PLBD2: variants seen among roughly 807,000 people sequenced by gnomAD.
The protein encoded by PLBD2 is phospholipase B domain containing 2.
In PLBD2, 51 loss-of-function variants were observed where a neutral mutation model predicts 68.3. The observed-to-expected ratio is 0.75, with a 90% CI of 0.60 to 0.94. The LOEUF (loss-of-function observed/expected upper bound fraction) is 0.94, where lower values mean the gene tolerates loss of function less well. Among genes scored for constraint, PLBD2 ranks in the 40% least tolerant of loss-of-function variants. The probability of loss-of-function intolerance (pLI) is 0.00; values close to 1 mark genes in which losing one functional copy is unlikely to be tolerated. For missense variants in PLBD2, 729 were observed against 792.2 expected, an observed-to-expected ratio of 0.92 and a Z score of 0.96; for synonymous variants, 314 against 339.3, an observed-to-expected ratio of 0.93 and a Z score of 0.82.
chr12:113,358,619 T>C lies in PLBD2; in HGVS notation c.19T>C (p.Cys7Arg), dbSNP rs781381800. 4.1e-6 allele frequency: 6 copies of C among 1,469,254 alleles called. No homozygotes were observed. The highest frequency in any genetic ancestry group is 1.3e-5 in the South Asian group (1 of 76,140). The allele number at this position is 1,469,254 out of a possible 1,614,324, so 91.0% of individuals were successfully genotyped here. The change falls in exon 1 of 12, where the codon TGC (cysteine) becomes CGC (arginine). Residue 7 changes from cysteine (C) to arginine (R), a missense_variant. Cys to Arg is a radical substitution (Grantham distance 180). Transcript: ENST00000280800. ...TGCGGTCATGGTGGGCCAGATGTAC[T>C]GCTACCCCGGCAGCCACCTGGCCCG... MVGQMYCYPGSHLARAL... is the reference protein window; with the variant it reads MVGQMYRYPGSHLARAL...
rs1418201878 is a variant in PLBD2 at position 113,372,537 on chromosome 12, C to T, written c.385-112C>T. The T allele has an allele frequency of 2.6e-6, 3 of 1,156,192 alleles. No individual in the cohort carries two copies. The Admixed American group carries it at 6.1e-5, about 24-fold the overall frequency. The allele number at this position is 1,156,192 out of a possible 1,614,324, so 71.6% of individuals were successfully genotyped here. ...AGGGAGAGGACAGCATGAGCAAGGA[C>T]TCAGGTGGCCACACCAGCAGCCTCC... On this transcript the variant is annotated intron_variant, in intron 2 of 11. Coordinates refer to ENST00000280800, the MANE Select transcript of PLBD2 (RefSeq NM_173542.4). This position sits in a 1 kb window ranked among gnomAD's most constrained non-coding sequence, Gnocchi z 4.2.
rs143348132 is a variant in PLBD2, at chr12:113,372,711, C to T, written c.447C>T (p.Val149=). The T allele has an allele frequency of 3.9e-4, 631 of 1,614,016 alleles. 3 individuals are homozygous for T. In the African/African-American group the frequency reaches 5.2e-3, roughly 13 times the overall value. ...VNYCGPFEYE[V]GYCERLKSFL... ...ACTGCGGCCCCTTCGAGTATGAAGT[C>T]GGCTACTGCGAGAGGCTGAAGAGCT... The change falls in exon 3 of 12, where the codon GTC becomes GTT. Residue 149 remains valine, a synonymous_variant. Transcript: ENST00000280800. The surrounding 1 kb of genome is among the most constrained non-coding windows in gnomAD (Gnocchi z 4.2).
chr12:113,386,320 C>G (rs1418676452), intron 9 of PLBD2, among the ~76,000 whole-genome samples: 1 of 150,366 alleles, frequency 6.7e-6, no homozygotes. Context: ...TCCCAAGTAG[C>G]TGGGATTACA....
At chr12:113,382,945 C>T (rs1957510561) in intron 6 of PLBD2, among the ~76,000 whole-genome samples, 1 of 148,462 alleles carries the variant, frequency 6.7e-6, no homozygotes, top group African/African-American at 2.5e-5. Context: ...GATCTCAGCT[C>T]ACTGCAACCT....
chr12:113,370,220 T>C (rs1957376500), intron 2 of PLBD2, among the ~76,000 whole-genome samples: 1 of 151,940 alleles, frequency 6.6e-6, no homozygotes, highest in African/African-American at 2.4e-5. Context: ...TTTTTAAATG[T>C]GAATTTTATG....
chr12:113,386,161 A>G (rs914673184), intron 9 of PLBD2, among the ~76,000 whole-genome samples: 2 of 151,802 alleles, frequency 1.3e-5, no homozygotes, highest in African/African-American at 4.9e-5. Context: ...CCCGAATGTC[A>G]TAGTTGGTTT....
intron 10 of PLBD2, 108 bp downstream of exon 10, chr12:113,387,197 G>T: frequency 7.3e-7 from 1 of 1,371,642 alleles, no homozygotes; most frequent in Non-Finnish European, 9.7e-7. Flanking sequence ...CAGCCCCAGA[G>T]GGCCAGCAGG....
rs1454964598 is a variant in PLBD2, at chr12:113,372,054, A to T, written c.385-595A>T. ...GCCTTGAAGGATGAACAGGATTTGG[A>T]TGTGTTTCAGTGAGATGGTGATGGA... On this transcript the variant is annotated intron_variant, in intron 2 of 11. Coordinates refer to ENST00000280800, the MANE Select transcript of PLBD2 (RefSeq NM_173542.4). The surrounding 1 kb of genome is among the most constrained non-coding windows in gnomAD (Gnocchi z 4.2). 6.6e-6 allele frequency among the ~76,000 whole-genome samples: 1 copy of T among 152,070 alleles called. No homozygotes were observed. Among genetic ancestry groups the T allele is most frequent in the East Asian group, 1.9e-4 (1 of 5,168 alleles).
chr12:113,389,039 A>G lies in PLBD2; in HGVS notation c.*413A>G, dbSNP rs1310144271. On this transcript the variant is annotated 3_prime_UTR_variant, in exon 12 of 12. Coordinates refer to ENST00000280800, the MANE Select transcript of PLBD2 (RefSeq NM_173542.4). ...GCACCCTTCTCCCAGCTGCATTCCC[A>G]CGGGTGGCCCTGGAGCTGGTGAGCT... 6.4e-6 allele frequency: 1 copy of G among 156,256 alleles called. No homozygotes were observed. Among genetic ancestry groups the G allele is most frequent in the Non-Finnish European group, 1.4e-5 (1 of 71,214 alleles). 9.7% of individuals were successfully genotyped at this position (156,256 alleles called of 1,614,324 possible).
chr12:113,374,936 C>A lies in PLBD2; in HGVS notation c.788C>A (p.Thr263Asn). 1 of 1,614,178 alleles carries A rather than the reference C, an allele frequency of 6.2e-7. No homozygotes were observed. Among genetic ancestry groups the A allele is most frequent in the Non-Finnish European group, 8.5e-7 (1 of 1,180,030 alleles). Residue 263 changes from threonine (T) to asparagine (N), a missense_variant, in exon 5 of 12, where the codon ACC becomes AAC. By Grantham distance (65) the Thr-to-Asn change is moderately conservative. Transcript: ENST00000280800. ...GQSDLLVAHN[T>N]WNNYQHMLRV... ...AGTGACCTCCTGGTTGCCCACAACA[C>A]CTGGAACAACTACCAGCACATGCTG...
At chr12:113,370,182 G>T (rs1957376171) in intron 2 of PLBD2, among the ~76,000 whole-genome samples, 1 of 152,028 alleles carries the variant, frequency 6.6e-6, no homozygotes, top group Non-Finnish European at 1.5e-5. Flanking sequence ...TTACAGGTGT[G>T]AGCCACTGTG....
chr12:113,375,231 G>C (rs1957430425), intron 5 of PLBD2: 4 of 554,966 alleles, frequency 7.2e-6, no homozygotes, highest in Non-Finnish European at 1.3e-5. Flanking sequence ...CTGTAGCCTT[G>C]ACTTCCCAGG....
intron 1 of PLBD2, 128 bp downstream of exon 1, chr12:113,359,018 C>T (rs1957262477): frequency 2.8e-6 from 3 of 1,068,430 alleles, no homozygotes; most frequent in South Asian, 3.7e-5. Context: ...GTCAGCTACT[C>T]CCGAGGCTGC....
chr12:113,361,161 T>G lies in PLBD2; in HGVS notation c.290+2271T>G, dbSNP rs773871853. Among the ~76,000 whole-genome samples, 44 of 152,028 alleles carry G rather than the reference T, an allele frequency of 2.9e-4. 1 individual carries two copies. The highest frequency in any genetic ancestry group is 7.2e-4 in the Admixed American group (11 of 15,240). ...TCTGATCTGTGGGGGACTCTGTGTC[T>G]TATTTCGGAGGGTGGGGGCAGGGAT... On this transcript the variant is annotated intron_variant, in intron 1 of 11. Coordinates refer to ENST00000280800, the MANE Select transcript of PLBD2 (RefSeq NM_173542.4).
rs1015397235 is a variant in PLBD2 at position 113,388,926 on chromosome 12, C to T, written c.*300C>T. The T allele has an allele frequency of 2.0e-5, 5 of 255,100 alleles. No homozygotes were observed. The highest frequency in any genetic ancestry group is 1.1e-4 in the African/African-American group (5 of 44,898). 15.8% of individuals were successfully genotyped at this position (255,100 alleles called of 1,614,324 possible). A position where few individuals can be genotyped will look rare whatever the true frequency, so the allele number is the denominator to read the frequency against. The stretch of plus-strand genomic sequence containing the variant: ...TCAACCTCATTCCCACCTCTGGGGC[C>T]CCTTCCTCGTGCTTCTCCTTCCTGA... On this transcript the variant is annotated 3_prime_UTR_variant, in exon 12 of 12. Transcript: ENST00000280800.
intron 1 of PLBD2, among the ~76,000 whole-genome samples, chr12:113,363,497 G>A (rs186639875): frequency 6.7e-6 from 1 of 149,928 alleles, no homozygotes; most frequent in East Asian, 2.0e-4. Context: ...GGAAGTAAAA[G>A]CCTCCCCCTA....
Position 113,358,590 on chromosome 12 carries a change from A to G in PLBD2, c.-11A>G, listed in dbSNP as rs762221550. 3.3e-5 allele frequency: 49 copies of G among 1,467,188 alleles called. No homozygotes were observed. In the South Asian group the frequency reaches 4.9e-4, roughly 15 times the overall value. The allele number at this position is 1,467,188 out of a possible 1,614,324, so 90.9% of individuals were successfully genotyped here. ...CGTGACCCGGGCTGCGGGGCGCAGC[A>G]TTGTGCGGTCATGGTGGGCCAGATG... On this transcript the variant is annotated 5_prime_UTR_variant, in exon 1 of 12. Transcript: ENST00000280800.
At chr12:113,371,196 A>G (rs1234815840) in intron 2 of PLBD2, among the ~76,000 whole-genome samples, 1 of 152,236 alleles carries the variant, frequency 6.6e-6, no homozygotes, top group Non-Finnish European at 1.5e-5. Flanking sequence ...TTGAACCTGC[A>G]TGTGCCTTAG....
intron 1 of PLBD2, among the ~76,000 whole-genome samples, chr12:113,361,517 C>CT (rs962896537): frequency 2.7e-4 from 40 of 149,726 alleles, no homozygotes; most frequent in Admixed American, 7.4e-4. Context: ...TTTTTAAATT[C>CT]TTTTTTTTTG....
Sources: allele counts gnomAD v4.1 joint callset (sites outside exome capture counted in the v4.1 genomes callset), GRCh38; gene constraint gnomAD v4.1.1; non-coding constraint Gnocchi (gnomAD v3.1); transcripts MANE v1.5; gene names NCBI Gene and HGNC (gene_info 2026-07-23, HGNC 2026-07-21).